Variants in ARHGAP15 observed in about 807,000 individuals in gnomAD.
ARHGAP15 encodes the protein Rho GTPase activating protein 15, also known as rho GTPase-activating protein 15.
ARHGAP15 carries 51 observed loss-of-function variants against 63.7 expected under a neutral mutation model. That is an observed-to-expected ratio of 0.80 (90% CI 0.64 to 1.01). The LOEUF is 1.01. Ranked by LOEUF, ARHGAP15 falls within the 50% of genes least tolerant of loss-of-function variation. The pLI is 0.00. For synonymous variants in ARHGAP15, 191 were observed against 193.8 expected, an observed-to-expected ratio of 0.99 and a Z score of 0.12; for missense variants, 560 against 564.6, an observed-to-expected ratio of 0.99 and a Z score of 0.08.
At chr2:143,141,739 T>C (rs1689374813) in intron 1 of ARHGAP15, among the ~76,000 whole-genome samples, 1 of 152,172 alleles carries the variant, frequency 6.6e-6, no homozygotes, top group Non-Finnish European at 1.5e-5. Context: ...CTGGTTCTGC[T>C]CTTCATTTGC....
At chr2:143,542,940 A>C (rs1435789239) in intron 10 of ARHGAP15, among the ~76,000 whole-genome samples, 1 of 149,236 alleles carries the variant, frequency 6.7e-6, no homozygotes, top group Non-Finnish European at 1.5e-5. Flanking sequence ...TTTATCATTC[A>C]ACCATTGATG....
rs182094924 is a variant in ARHGAP15 at position 143,488,244 on chromosome 2, C to A, written c.826+749C>A. Among the ~76,000 whole-genome samples, 5 of 152,218 alleles carry A rather than the reference C, an allele frequency of 3.3e-5. No homozygotes were observed. The East Asian group carries it at 5.8e-4, about 18-fold the overall frequency. On this transcript the variant is annotated intron_variant, in intron 9 of 13. Coordinates refer to ENST00000295095, the MANE Select transcript of ARHGAP15 (RefSeq NM_018460.4). ...CATTGAAAGGAATAAATGACATAGC[C>A]TATGTAAAGCATTCAACAGAGTTTC...
Position 143,650,385 on chromosome 2 carries a change from G to T in ARHGAP15, c.1138+26118G>T, listed in dbSNP as rs143776244. Among the ~76,000 whole-genome samples the T allele has an allele frequency of 1.3e-4, 20 of 152,024 alleles. No homozygotes were observed. In the East Asian group the frequency reaches 3.7e-3, roughly 28 times the overall value. ...ATCAAACAAGTCACGTGTCCGCTCAGATCTGTAGTTTGCTTCTTTAAAATG... is the reference window on the plus strand; with the variant it reads ...ATCAAACAAGTCACGTGTCCGCTCATATCTGTAGTTTGCTTCTTTAAAATG... On this transcript the variant is annotated intron_variant, in intron 12 of 13. Transcript: ENST00000295095.
chr2:143,178,978 A>C (rs959204896), intron 2 of ARHGAP15, among the ~76,000 whole-genome samples: 2 of 152,254 alleles, frequency 1.3e-5, no homozygotes, highest in Non-Finnish European at 2.9e-5. Flanking sequence ...AAAATCCTAG[A>C]GGTAAAGCCT....
intron 6 of ARHGAP15, among the ~76,000 whole-genome samples, chr2:143,306,307 T>G (rs985217296): frequency 6.6e-6 from 1 of 152,070 alleles, no homozygotes; most frequent in Non-Finnish European, 1.5e-5. Context: ...TTTGTAGAGA[T>G]AGGGGGAGAC....
chr2:143,563,030 G>T (rs909715841), intron 11 of ARHGAP15, among the ~76,000 whole-genome samples: 1 of 152,166 alleles, frequency 6.6e-6, no homozygotes, highest in Non-Finnish European at 1.5e-5. Flanking sequence ...TAATGCTGTT[G>T]TGAAATAAAG....
At chr2:143,131,293 A>G (rs1688907386) in intron 1 of ARHGAP15, among the ~76,000 whole-genome samples, 1 of 152,234 alleles carries the variant, frequency 6.6e-6, no homozygotes, top group South Asian at 2.1e-4. Context: ...GTTAATTGCA[A>G]ATAAGTTACT....
rs1298750250 is a variant in ARHGAP15 at position 143,373,228 on chromosome 2, TAA to T, written c.475-62372_475-62371del. On this transcript the variant is annotated intron_variant, in intron 6 of 13. Coordinates refer to ENST00000295095, the MANE Select transcript of ARHGAP15 (RefSeq NM_018460.4). The stretch of plus-strand genomic sequence containing the variant: ...ATGAAAATATCAAGGACTAGAGAGG[TAA>T]TGAAACTTGCTCAAGATTGCACAAG... 3.3e-5 allele frequency among the ~76,000 whole-genome samples: 5 copies of T among 152,192 alleles called. No individual in the cohort carries two copies. In the East Asian group the frequency reaches 9.7e-4, roughly 29 times the overall value.
chr2:143,725,209 C>A (rs563329691), intron 13 of ARHGAP15, among the ~76,000 whole-genome samples: 2 of 152,318 alleles, frequency 1.3e-5, no homozygotes, highest in South Asian at 2.1e-4. Flanking sequence ...GAAAATTGCA[C>A]ATAAAACCTT....
chr2:143,311,719 GTACT>G (rs1280345823), intron 6 of ARHGAP15, among the ~76,000 whole-genome samples: 1 of 152,098 alleles, frequency 6.6e-6, no homozygotes, highest in Non-Finnish European at 1.5e-5. Context: ...CAAGTTAACT[GTACT>G]CTTAGCATAT....
intron 5 of ARHGAP15, among the ~76,000 whole-genome samples, chr2:143,246,841 C>T (rs993623784): frequency 6.6e-6 from 1 of 152,044 alleles, no homozygotes; most frequent in African/African-American, 2.4e-5. Flanking sequence ...GTCAGATGAG[C>T]AGCAGAATGA....
At chr2:143,515,904 T>C (rs1469924058) in intron 9 of ARHGAP15, among the ~76,000 whole-genome samples, 1 of 152,232 alleles carries the variant, frequency 6.6e-6, no homozygotes, top group Non-Finnish European at 1.5e-5. Flanking sequence ...AGTGAATGTA[T>C]TCCTCGGCAT....
At chr2:143,521,601 T>C (rs2104989431) in intron 10 of ARHGAP15, among the ~76,000 whole-genome samples, 1 of 152,252 alleles carries the variant, frequency 6.6e-6, no homozygotes, top group Middle Eastern at 3.4e-3. Context: ...TCCCTCCTTC[T>C]AATGGCCAGA....
Position 143,691,983 on chromosome 2 carries a change from GATGAA to G in ARHGAP15, c.1139-11433_1139-11429del, listed in dbSNP as rs1364516950. Among the ~76,000 whole-genome samples, 2 of 152,176 alleles carry G rather than the reference GATGAA, an allele frequency of 1.3e-5. 1 individual carries two copies. Among genetic ancestry groups the G allele is most frequent in the Middle Eastern group, 6.4e-3 (2 of 314 alleles). ...AATTTGGTGTTTTAATATTACCTCC[GATGAA>G]ATTAAAATGCAGTGCAAAAGAGGAT... is the stretch of plus-strand genomic sequence containing the variant. On this transcript the variant is annotated intron_variant, in intron 12 of 13. Transcript: ENST00000295095.
Position 143,299,578 on chromosome 2 carries a change from G to C in ARHGAP15, c.474+48978G>C, listed in dbSNP as rs186197630. ...TTATTATATGAAGTTTCACCTTCTA[G>C]TCTTACCCTTATCTGCCACTTTTTT... On this transcript the variant is annotated intron_variant, in intron 6 of 13. Transcript: ENST00000295095. Among the ~76,000 whole-genome samples the C allele has an allele frequency of 4.6e-5, 7 of 151,936 alleles. No individual in the cohort carries two copies. In the East Asian group the frequency reaches 1.4e-3, roughly 30 times the overall value.
At chr2:143,497,632 T>C (rs12465778) in intron 9 of ARHGAP15, among the ~76,000 whole-genome samples, 70,159 of 151,946 alleles carry the variant, frequency 0.46, 17,284 homozygotes, top group Middle Eastern at 0.57. Context: ...AAGCCAGTGC[T>C]GGATGCTGCT....
chr2:143,312,298 A>G (rs541638502), intron 6 of ARHGAP15, among the ~76,000 whole-genome samples: 1 of 152,258 alleles, frequency 6.6e-6, no homozygotes, highest in East Asian at 1.9e-4. Flanking sequence ...AATTCAGAAT[A>G]GTTCTCTGAT....
intron 3 of ARHGAP15, among the ~76,000 whole-genome samples, chr2:143,210,882 G>T (rs1006919787): frequency 2.6e-5 from 4 of 151,922 alleles, no homozygotes; most frequent in Non-Finnish European, 5.9e-5. Context: ...TAGATATTTG[G>T]TTTACCACTT....
chr2:143,723,270 T>A (rs1187189533), intron 13 of ARHGAP15, among the ~76,000 whole-genome samples: 1 of 152,172 alleles, frequency 6.6e-6, no homozygotes, highest in Admixed American at 6.5e-5. Flanking sequence ...CCTCGTTAAG[T>A]GACACACTGC....
Sources: allele counts gnomAD v4.1 joint callset (sites outside exome capture counted in the v4.1 genomes callset), GRCh38; gene constraint gnomAD v4.1.1; transcripts MANE v1.5; gene names NCBI Gene and HGNC (gene_info 2026-07-23, HGNC 2026-07-21).